The following DCAF5 variants were observed in gnomAD, a reference collection of about 807,000 sequenced individuals.
DCAF5 encodes the protein DDB1 and CUL4 associated factor 5, also known as DDB1- and CUL4-associated factor 5.
A neutral mutation model predicts 80.7 loss-of-function variants in DCAF5; 9 were observed. That is an observed-to-expected ratio of 0.11 (90% CI 0.07 to 0.19). The LOEUF is 0.19. Ranked by LOEUF, DCAF5 falls within the 10% of genes least tolerant of loss-of-function variation. DCAF5 has a pLI of 1.00. For missense variants in DCAF5, 842 were observed against 1,205.7 expected (o/e 0.70, Z 4.47); for synonymous variants, 433 against 461.9 (o/e 0.94, Z 0.80).
At chr14:69,102,700 A>G (rs752164028) in intron 5 of DCAF5, among the ~76,000 whole-genome samples, 1 of 151,594 alleles carries the variant, frequency 6.6e-6, no homozygotes, top group East Asian at 2.0e-4. Flanking sequence ...TAACATCTTC[A>G]GGGTCGATAA....
At chr14:69,086,620 TAA>T (rs34555932) in intron 6 of DCAF5, among the ~76,000 whole-genome samples, 1,969 of 134,194 alleles carry the variant, frequency 0.015, 38 homozygotes, top group African/African-American at 0.044. Context: ...ATGGAGTTAT[TAA>T]AAAAAAAAAA....
At chr14:69,139,848 AAGG>A (rs1422895187) in intron 1 of DCAF5, among the ~76,000 whole-genome samples, 3 of 149,778 alleles carry the variant, frequency 2.0e-5, no homozygotes, top group Non-Finnish European at 4.4e-5. Flanking sequence ...AAAGAAAGAA[AAGG>A]AGAAGGAAGG....
At chr14:69,110,912 T>C (rs1450875428) in intron 5 of DCAF5, among the ~76,000 whole-genome samples, 1 of 145,734 alleles carries the variant, frequency 6.9e-6, no homozygotes, top group South Asian at 2.2e-4. Flanking sequence ...AAAAGTGGTG[T>C]CTGCTGTGTA....
chr14:69,067,953 A>T (rs2038527224), intron 7 of DCAF5, among the ~76,000 whole-genome samples: 1 of 152,074 alleles, frequency 6.6e-6, no homozygotes, highest in Admixed American at 6.6e-5. Flanking sequence ...CTTTTACAGC[A>T]TTTTTACTAT....
chr14:69,065,429 G>A (rs1316468433), intron 7 of DCAF5, among the ~76,000 whole-genome samples: 1 of 152,052 alleles, frequency 6.6e-6, no homozygotes, highest in African/African-American at 2.4e-5. Context: ...TTTAACACAA[G>A]GTCTTTTTTG....
At chr14:69,092,041 C>T (rs1225852292) in intron 5 of DCAF5, among the ~76,000 whole-genome samples, 154 bp from the exon 6 acceptor site, 4 of 152,192 alleles carry the variant, frequency 2.6e-5, no homozygotes, top group Admixed American at 1.3e-4. Context: ...AGGGTAGCAA[C>T]GCTTCCTTCG....
chr14:69,120,745 C>T (rs2040692915), intron 2 of DCAF5, among the ~76,000 whole-genome samples: 1 of 152,076 alleles, frequency 6.6e-6, no homozygotes, highest in South Asian at 2.1e-4. Flanking sequence ...CATACTAATG[C>T]CTTCTAGGTA....
At position 69,153,035 on chromosome 14, in the gene DCAF5, G is replaced by A; in HGVS notation, c.-57C>T. On this transcript the variant is annotated 5_prime_UTR_variant, in exon 1 of 9. Coordinates refer to ENST00000341516, the MANE Select transcript of DCAF5 (RefSeq NM_003861.3). The stretch of plus-strand genomic sequence containing the variant: ...CCGCCCCTCCCTCGGCCTCACGCGC[G>A]GCCGCTGCTCCCCCCACCCGGCCCT... 7.3e-7 allele frequency: 1 copy of A among 1,361,066 alleles called. No homozygotes were observed. The highest frequency in any genetic ancestry group is 9.6e-7 in the Non-Finnish European group (1 of 1,041,956). The allele number at this position is 1,361,066 out of a possible 1,614,324, so 84.3% of individuals were successfully genotyped here.
chr14:69,070,372 T>C (rs1395265218), intron 7 of DCAF5, among the ~76,000 whole-genome samples: 2 of 152,340 alleles, frequency 1.3e-5, no homozygotes, highest in Non-Finnish European at 2.9e-5. Context: ...GATCTTACTA[T>C]ACATAGCAAT....
intron 2 of DCAF5, among the ~76,000 whole-genome samples, chr14:69,121,666 T>C (rs191027823): frequency 4.4e-4 from 67 of 152,272 alleles, no homozygotes; most frequent in African/African-American, 1.5e-3. Context: ...TGGGAAAATC[T>C]GCAGCTCAGA....
chr14:69,121,308 A>G (rs1379732592), intron 2 of DCAF5, among the ~76,000 whole-genome samples: 4 of 152,224 alleles, frequency 2.6e-5, no homozygotes, highest in Non-Finnish European at 5.9e-5. Flanking sequence ...GGCCATTGCA[A>G]AAATCCAGGC....
intron 6 of DCAF5, among the ~76,000 whole-genome samples, chr14:69,082,550 G>A (rs1046070427): frequency 6.6e-6 from 1 of 152,168 alleles, no homozygotes; most frequent in Non-Finnish European, 1.5e-5. Context: ...ACCAACAGCT[G>A]GTTATAACAA....
intron 7 of DCAF5, among the ~76,000 whole-genome samples, chr14:69,063,383 A>G (rs1273968198): frequency 3.3e-5 from 5 of 152,256 alleles, no homozygotes; most frequent in Non-Finnish European, 7.3e-5. Flanking sequence ...ACACATGCAC[A>G]TAAATTCTGA....
intron 6 of DCAF5, chr14:69,089,941 T>C (rs2039473230): frequency 7.1e-6 from 7 of 985,296 alleles, no homozygotes; most frequent in Admixed American, 1.2e-4. Context: ...ATGGTCTAGG[T>C]GCTTACATGT....
At chr14:69,078,906 A>G (rs1566735735) in intron 6 of DCAF5, among the ~76,000 whole-genome samples, 2 of 152,062 alleles carry the variant, frequency 1.3e-5, no homozygotes, top group Non-Finnish European at 2.9e-5. Flanking sequence ...TCTGCCGCCC[A>G]GGCTGGAGTG....
chr14:69,057,049 T>C (rs1479625173), intron 8 of DCAF5, among the ~76,000 whole-genome samples: 2 of 152,176 alleles, frequency 1.3e-5, no homozygotes, highest in African/African-American at 4.8e-5. Context: ...ATAATGTTGA[T>C]TCCTCAGTCC....
intron 6 of DCAF5, among the ~76,000 whole-genome samples, chr14:69,080,809 T>C (rs1235389137): frequency 6.6e-6 from 1 of 152,216 alleles, no homozygotes; most frequent in Non-Finnish European, 1.5e-5. Flanking sequence ...TCATATTTAA[T>C]ACACTACTGT....
chr14:69,116,334 A>G (rs748418212), intron 5 of DCAF5, 32 bp downstream of exon 5: 1 of 1,589,916 alleles, frequency 6.3e-7, no homozygotes, highest in African/African-American at 1.3e-5. Flanking sequence ...GGCAGAGGAA[A>G]GTTTTAACAC....
intron 2 of DCAF5, among the ~76,000 whole-genome samples, chr14:69,119,634 G>C (rs1159405048): frequency 6.6e-6 from 1 of 151,464 alleles, no homozygotes; most frequent in Admixed American, 6.6e-5. Flanking sequence ...AGAATCGCTT[G>C]AGGTCAGGAG....
Sources: allele counts gnomAD v4.1 joint callset (sites outside exome capture counted in the v4.1 genomes callset), GRCh38; gene constraint gnomAD v4.1.1; transcripts MANE v1.5; gene names NCBI Gene and HGNC (gene_info 2026-07-23, HGNC 2026-07-21).